Variants in ARHGAP10 observed in about 807,000 individuals in gnomAD.
ARHGAP10 encodes Rho GTPase activating protein 10.
A neutral mutation model predicts 108.6 loss-of-function variants in ARHGAP10; 87 were observed. The ratio of observed to expected loss-of-function variants is 0.80; its 90% confidence interval spans 0.67 to 0.96. ARHGAP10 has a LOEUF of 0.96. ARHGAP10 is among the 40% of genes least tolerant of loss of function. ARHGAP10 has a pLI of 0.00. For missense variants in ARHGAP10, 939 were observed against 954.5 expected, an observed-to-expected ratio of 0.98 and a Z score of 0.21; for synonymous variants, 347 against 341.1, an observed-to-expected ratio of 1.02 and a Z score of -0.19.
At chr4:147,764,410 C>T (rs1278161486) in intron 1 of ARHGAP10, among the ~76,000 whole-genome samples, 1 of 151,832 alleles carries the variant, frequency 6.6e-6, no homozygotes, top group East Asian at 1.9e-4. Context: ...ATAGGAAGTG[C>T]CTGTTCTGTG....
intron 1 of ARHGAP10, among the ~76,000 whole-genome samples, chr4:147,767,856 G>A (rs902562600): frequency 2.6e-5 from 4 of 152,182 alleles, no homozygotes; most frequent in Admixed American, 6.5e-5. Context: ...TAACATATTT[G>A]TATTATCAAG....
chr4:148,025,416 T>A (rs189466247), intron 19 of ARHGAP10, among the ~76,000 whole-genome samples: 3 of 152,116 alleles, frequency 2.0e-5, no homozygotes, highest in African/African-American at 7.2e-5. Flanking sequence ...AGTTTGGTCA[T>A]AGTGATTTAA....
chr4:148,045,737 TCAAAAA>T (rs1728848387), intron 19 of ARHGAP10, among the ~76,000 whole-genome samples: 1 of 33,736 alleles, frequency 3.0e-5, no homozygotes, highest in South Asian at 1.8e-3. Flanking sequence ...AAACTCCATC[TCAAAAA>T]AAAAAAAAAA....
intron 22 of ARHGAP10, among the ~76,000 whole-genome samples, chr4:148,065,979 CAAAAAA>C (rs34551897): frequency 1.0e-5 from 1 of 98,594 alleles, no homozygotes; most frequent in African/African-American, 4.2e-5. Context: ...GACCCCATCT[CAAAAAA>C]AAAAAAAAAA....
intron 9 of ARHGAP10, among the ~76,000 whole-genome samples, chr4:147,881,238 A>G (rs1259092629): frequency 6.6e-6 from 1 of 151,520 alleles, no homozygotes; most frequent in Non-Finnish European, 1.5e-5. Context: ...GCACCACTGC[A>G]CTCCAGCCTG....
intron 16 of ARHGAP10, among the ~76,000 whole-genome samples, chr4:147,957,671 A>G (rs72959753): frequency 0.012 from 1,862 of 152,230 alleles, 45 homozygotes; most frequent in African/African-American, 0.042. Context: ...TGTGGTGATG[A>G]GATAGTTTCT....
At chr4:147,984,478 C>T (rs1432019017) in intron 18 of ARHGAP10, among the ~76,000 whole-genome samples, 1 of 152,212 alleles carries the variant, frequency 6.6e-6, no homozygotes, top group African/African-American at 2.4e-5. Flanking sequence ...TTCCTTTGAC[C>T]CACGGTGGCC....
At chr4:148,047,187 C>T (rs901488334) in intron 20 of ARHGAP10, 136 bp downstream of exon 20, 28 of 1,049,838 alleles carry the variant, frequency 2.7e-5, no homozygotes, top group South Asian at 4.1e-5. Context: ...TCAGAAGGGC[C>T]ACCAAAGGGA....
At chr4:148,071,941 A>C in intron 22 of ARHGAP10, 52 bp from the exon 23 acceptor site, 1 of 1,498,536 alleles carries the variant, frequency 6.7e-7, no homozygotes, top group Non-Finnish European at 9.2e-7. Context: ...AACACCCAGG[A>C]GGCAAGTACT....
At chr4:147,961,656 C>T (rs192926798) in intron 16 of ARHGAP10, among the ~76,000 whole-genome samples, 3 of 151,994 alleles carry the variant, frequency 2.0e-5, no homozygotes, top group Non-Finnish European at 1.5e-5. Context: ...TTCTGAAATC[C>T]CACTCTTCTC....
chr4:147,820,329 A>C (rs2126783458), intron 1 of ARHGAP10, among the ~76,000 whole-genome samples: 1 of 152,304 alleles, frequency 6.6e-6, no homozygotes, highest in East Asian at 1.9e-4. Context: ...TCTCTAACCC[A>C]GGCTGGAGTG....
chr4:147,926,923 T>G (rs1055650093), intron 13 of ARHGAP10, among the ~76,000 whole-genome samples: 1 of 152,148 alleles, frequency 6.6e-6, no homozygotes, highest in Non-Finnish European at 1.5e-5. Flanking sequence ...GTTTTTTTCT[T>G]AGGTGTTATT....
At chr4:147,820,359 C>T (rs193272581) in intron 1 of ARHGAP10, among the ~76,000 whole-genome samples, 1 of 152,272 alleles carries the variant, frequency 6.6e-6, no homozygotes, top group Admixed American at 6.5e-5. Flanking sequence ...GATCCTGGCT[C>T]ACTGCAACCT....
intron 5 of ARHGAP10, among the ~76,000 whole-genome samples, chr4:147,860,130 C>G (rs1300363987): frequency 6.6e-6 from 1 of 152,190 alleles, no homozygotes; most frequent in African/African-American, 2.4e-5. Context: ...TTCATTCTCT[C>G]CTCTTGCTTC....
intron 3 of ARHGAP10, 136 bp from the exon 4 acceptor site, chr4:147,847,015 A>T: frequency 1.6e-6 from 1 of 628,056 alleles, no homozygotes; most frequent in Non-Finnish European, 2.7e-6. Context: ...TAATTGTTGC[A>T]TTGGCAGAGT....
intron 22 of ARHGAP10, among the ~76,000 whole-genome samples, chr4:148,067,256 A>G (rs1265730594): frequency 6.6e-6 from 1 of 152,266 alleles, no homozygotes; most frequent in East Asian, 1.9e-4. Context: ...TTCAAAGGGT[A>G]CAGTAAGTTT....
At chr4:147,873,722 A>T (rs1414801432) in intron 7 of ARHGAP10, among the ~76,000 whole-genome samples, 1 of 144,340 alleles carries the variant, frequency 6.9e-6, no homozygotes, top group Non-Finnish European at 1.5e-5. Context: ...ACACACACAC[A>T]CTCTTGGCCT....
chr4:147,873,443 TG>T (rs1370433767), intron 7 of ARHGAP10, among the ~76,000 whole-genome samples: 3 of 151,302 alleles, frequency 2.0e-5, no homozygotes, highest in South Asian at 2.1e-4. Flanking sequence ...TATACACACA[TG>T]GGGGGAAATG....
chr4:147,784,776 A>ATATTATAAAATATATATTATAAAT (rs1730782916), intron 1 of ARHGAP10, among the ~76,000 whole-genome samples: 2 of 29,198 alleles, frequency 6.8e-5, no homozygotes, highest in African/African-American at 2.0e-4. Flanking sequence ...TTATAAATAT[A>ATATTATAAAATATATATTATAAAT]ATATATTATA....
Sources: gnomAD v4.1 joint callset for allele counts (sites outside exome capture counted in the v4.1 genomes callset) on GRCh38, gnomAD v4.1.1 for gene constraint, MANE v1.5 for transcripts, NCBI Gene and HGNC (gene_info 2026-07-23, HGNC 2026-07-21) for gene names.